Variants in BMPR2 observed in about 807,000 individuals in gnomAD.
BMPR2 encodes bone morphogenetic protein receptor type 2, also known as bone morphogenetic protein receptor type-2.
In BMPR2, 29 loss-of-function variants were observed where a neutral mutation model predicts 100.8. The observed-to-expected ratio is 0.29, with a 90% CI of 0.21 to 0.39. The LOEUF (loss-of-function observed/expected upper bound fraction) is 0.39. Ranked by LOEUF, BMPR2 falls within the 10% of genes least tolerant of loss-of-function variation. The probability of loss-of-function intolerance (pLI) is 1.00; values close to 1 mark genes in which losing one functional copy is unlikely to be tolerated. For missense variants in BMPR2, 1,011 were observed against 1,274.5 expected (o/e 0.79, Z 3.15); for synonymous variants, 382 against 442.3 (o/e 0.86, Z 1.71).
At chr2:202,464,202 A>G (rs973417142) in intron 1 of BMPR2, among the ~76,000 whole-genome samples, 2 of 148,602 alleles carry the variant, frequency 1.3e-5, no homozygotes, top group African/African-American at 4.9e-5. Flanking sequence ...TTATTGAAGT[A>G]TAATTTATAC....
chr2:202,515,140 G>A (rs1687690379), intron 5 of BMPR2, among the ~76,000 whole-genome samples, 161 bp downstream of exon 5: 1 of 152,154 alleles, frequency 6.6e-6, no homozygotes, highest in Non-Finnish European at 1.5e-5. Context: ...GAACATAGGT[G>A]AACAATGTCT....
intron 1 of BMPR2, among the ~76,000 whole-genome samples, chr2:202,410,099 C>T (rs926386458): frequency 6.6e-6 from 1 of 152,214 alleles, no homozygotes. Context: ...ATTCTCCTGC[C>T]TCAGCCTCCC....
chr2:202,401,707 T>C (rs1052885263), intron 1 of BMPR2, among the ~76,000 whole-genome samples: 6 of 152,222 alleles, frequency 3.9e-5, no homozygotes, highest in African/African-American at 1.4e-4. Context: ...TATTAATCTT[T>C]AACAAATATA....
intron 1 of BMPR2, among the ~76,000 whole-genome samples, chr2:202,422,056 A>T (rs1280666823): frequency 6.6e-6 from 1 of 150,938 alleles, no homozygotes. Context: ...TAACAGGCAC[A>T]AACCACCACA....
chr2:202,412,817 C>A lies in BMPR2; in HGVS notation c.76+35267C>A, dbSNP rs565165306. Among the ~76,000 whole-genome samples, 48 of 151,838 alleles carry A rather than the reference C, an allele frequency of 3.2e-4. 1 individual carries two copies. In the South Asian group the frequency reaches 6.9e-3, roughly 22 times the overall value. On this transcript the variant is annotated intron_variant, in intron 1 of 12. Coordinates refer to ENST00000374580, the MANE Select transcript of BMPR2 (RefSeq NM_001204.7). ...CAAACTGATTTTCTTATGTTTATACCTATGGTCTTCAGTAATTACTATTTC... is the reference window on the plus strand; with the variant it reads ...CAAACTGATTTTCTTATGTTTATACATATGGTCTTCAGTAATTACTATTTC...
intron 1 of BMPR2, among the ~76,000 whole-genome samples, chr2:202,402,868 G>T (rs1300420478): frequency 6.7e-6 from 1 of 149,958 alleles, no homozygotes; most frequent in Admixed American, 6.7e-5. Flanking sequence ...CGCTTTTGTC[G>T]TCTAGGCTGG....
chr2:202,511,948 G>T (rs772353999), intron 3 of BMPR2, among the ~76,000 whole-genome samples: 1 of 151,928 alleles, frequency 6.6e-6, no homozygotes, highest in African/African-American at 2.4e-5. Context: ...TTGAGTCTGG[G>T]ATGTGGAGTT....
intron 1 of BMPR2, among the ~76,000 whole-genome samples, chr2:202,406,294 G>A (rs916561248): frequency 6.6e-6 from 1 of 152,166 alleles, no homozygotes; most frequent in Non-Finnish European, 1.5e-5. Flanking sequence ...GTAGCCCCTT[G>A]GGGCTGTGAG....
At chr2:202,392,050 G>A (rs974755365) in intron 1 of BMPR2, among the ~76,000 whole-genome samples, 10 of 149,838 alleles carry the variant, frequency 6.7e-5, no homozygotes, top group African/African-American at 2.0e-4. Context: ...GTGAACCACC[G>A]CACCCAGCCT....
At chr2:202,404,839 G>T (rs1380096730) in intron 1 of BMPR2, among the ~76,000 whole-genome samples, 1 of 150,004 alleles carries the variant, frequency 6.7e-6, no homozygotes, top group Non-Finnish European at 1.5e-5. Context: ...TGTGGGTGGA[G>T]ACTTTTTTTT....
chr2:202,544,356 C>A (rs570639996), intron 10 of BMPR2, among the ~76,000 whole-genome samples: 2 of 152,052 alleles, frequency 1.3e-5, no homozygotes, highest in Non-Finnish European at 2.9e-5. Flanking sequence ...TGAATCCTTG[C>A]ATGTTTAAAA....
intron 5 of BMPR2, among the ~76,000 whole-genome samples, chr2:202,515,987 G>A (rs1372001850): frequency 6.6e-6 from 1 of 152,098 alleles, no homozygotes; most frequent in African/African-American, 2.4e-5. Context: ...TGAGAAGAGT[G>A]TGCCACAAGG....
chr2:202,546,275 T>C (rs1369451970), intron 10 of BMPR2, among the ~76,000 whole-genome samples: 2 of 152,220 alleles, frequency 1.3e-5, no homozygotes, highest in Admixed American at 1.3e-4. Context: ...AAAGAAGCCA[T>C]TTTTGCTTTC....
chr2:202,489,812 A>T (rs1007913297), intron 3 of BMPR2, among the ~76,000 whole-genome samples: 1 of 152,216 alleles, frequency 6.6e-6, no homozygotes, highest in Non-Finnish European at 1.5e-5. Context: ...ATGTTGACAC[A>T]CACCTACGTA....
intron 4 of BMPR2, 146 bp from the exon 5 acceptor site, chr2:202,514,742 T>C: frequency 1.5e-6 from 1 of 681,598 alleles, no homozygotes; most frequent in East Asian, 2.7e-5. Flanking sequence ...GTTTAGTAAA[T>C]AGCTTTACTC....
chr2:202,470,456 T>G (rs1319753075), intron 3 of BMPR2, among the ~76,000 whole-genome samples: 4 of 152,114 alleles, frequency 2.6e-5, no homozygotes, highest in Non-Finnish European at 2.9e-5. Flanking sequence ...GTTTTAATAA[T>G]TTTTGTAAGA....
At chr2:202,389,456 G>A (rs1467757716) in intron 1 of BMPR2, among the ~76,000 whole-genome samples, 1 of 149,688 alleles carries the variant, frequency 6.7e-6, no homozygotes, top group African/African-American at 2.5e-5. Context: ...GAACCCGAGA[G>A]GCAGAGTTTG....
intron 3 of BMPR2, among the ~76,000 whole-genome samples, chr2:202,480,166 T>C: frequency 6.6e-6 from 1 of 152,146 alleles, no homozygotes. Flanking sequence ...GGAGCCTCAC[T>C]CTGTCGCCCA....
chr2:202,396,799 T>A (rs1690664783), intron 1 of BMPR2, among the ~76,000 whole-genome samples: 1 of 152,146 alleles, frequency 6.6e-6, no homozygotes, highest in Non-Finnish European at 1.5e-5. Flanking sequence ...GAAACTATTT[T>A]TTTTTTTGAA....
Sources: allele counts gnomAD v4.1 joint callset (sites outside exome capture counted in the v4.1 genomes callset), GRCh38; gene constraint gnomAD v4.1.1; transcripts MANE v1.5; gene names NCBI Gene and HGNC (gene_info 2026-07-23, HGNC 2026-07-21).